The following PVR variants were observed in gnomAD, a reference collection of about 807,000 sequenced individuals.
PVR encodes poliovirus receptor.
Under a neutral mutation model 43.3 loss-of-function variants are expected in PVR, and 39 were observed. The ratio of observed to expected loss-of-function variants is 0.90; its 90% CI spans 0.70 to 1.18. The LOEUF is 1.18. Ranked by LOEUF, PVR falls within the 50% of genes most tolerant of loss-of-function variation. PVR has a pLI of 0.00. For synonymous variants in PVR, 224 were observed against 233.2 expected, an observed-to-expected ratio of 0.96 and a Z score of 0.36; for missense variants, 480 against 549.7, an observed-to-expected ratio of 0.87 and a Z score of 1.27.
chr19:44,647,083 T>TCCCCCCCCCCCCC, intron 1 of PVR, 140 bp from the exon 2 acceptor site: 17 of 30,336 alleles, frequency 5.6e-4, no homozygotes, highest in South Asian at 1.2e-3. Context: ...CAGTTCCCCC[T>TCCCCCCCCCCCCC]CCCCCCACAC....
At chr19:44,661,372 C>T in intron 7 of PVR, 49 bp downstream of exon 7, 1 of 1,590,632 alleles carries the variant, frequency 6.3e-7, no homozygotes, top group Non-Finnish European at 8.6e-7. Flanking sequence ...GCACGAACTA[C>T]AGACCAGACG....
chr19:44,646,977 C>T (rs1314368854), intron 1 of PVR, among the ~76,000 whole-genome samples: 2 of 152,160 alleles, frequency 1.3e-5, no homozygotes, highest in South Asian at 4.1e-4. Context: ...AGAAGAAATA[C>T]GGTAATAAAT....
chr19:44,662,272 C>T lies in PVR; in HGVS notation c.*461C>T. ...TTTGTGTCCAGAGTTTTTTGTTTGT[C>T]TTGAGACAGGGTCTGGCTCTGTTGG... On this transcript the variant is annotated 3_prime_UTR_variant, in exon 8 of 8. Coordinates refer to ENST00000425690, the MANE Select transcript of PVR (RefSeq NM_006505.5). 1 of 174,822 alleles carries T rather than the reference C, an allele frequency of 5.7e-6. No homozygotes were observed. The highest frequency in any genetic ancestry group is 1.4e-4 in the South Asian group (1 of 7,168). 10.8% of individuals were successfully genotyped at this position (174,822 alleles called of 1,614,324 possible).
intron 6 of PVR, among the ~76,000 whole-genome samples, chr19:44,659,996 A>G (rs1048744361): frequency 1.3e-5 from 2 of 152,178 alleles, no homozygotes; most frequent in Middle Eastern, 3.2e-3. Context: ...ACCCAGGCGG[A>G]TACTGCCTCG....
chr19:44,650,184 A>G (rs1973241426), intron 3 of PVR, 79 bp downstream of exon 3: 3 of 1,353,710 alleles, frequency 2.2e-6, no homozygotes, highest in Non-Finnish European at 2.0e-6. Flanking sequence ...TCCCCAAGGC[A>G]CTGTAGGCAT....
rs561448120 is a variant in PVR, at chr19:44,648,697, T to C, written c.428-1112T>C. 4.0e-5 allele frequency among the ~76,000 whole-genome samples: 6 copies of C among 151,616 alleles called. No homozygotes were observed. In the East Asian group the frequency reaches 1.2e-3, roughly 29 times the overall value. ...TTGTTTTCTTTTCTTTTTAAGCTTA[T>C]GTGCCAAGAACTATTCCAAGCCTGT... On this transcript the variant is annotated intron_variant, in intron 2 of 7. Coordinates refer to ENST00000425690, the MANE Select transcript of PVR (RefSeq NM_006505.5).
chr19:44,646,750 G>A (rs1289222616), intron 1 of PVR, among the ~76,000 whole-genome samples: 2 of 151,946 alleles, frequency 1.3e-5, no homozygotes, highest in South Asian at 2.1e-4. Flanking sequence ...CCCCCTGGGC[G>A]ACAGAGAGAG....
At chr19:44,648,985 CTT>C (rs1973205549) in intron 2 of PVR, among the ~76,000 whole-genome samples, 1 of 152,204 alleles carries the variant, frequency 6.6e-6, no homozygotes, top group Non-Finnish European at 1.5e-5. Flanking sequence ...GTCAGACAGA[CTT>C]TATGTGAAAG....
At chr19:44,653,420 C>G (rs192828770) in intron 3 of PVR, among the ~76,000 whole-genome samples, 3 of 152,152 alleles carry the variant, frequency 2.0e-5, no homozygotes, top group Non-Finnish European at 4.4e-5. Context: ...ACCCCTCGCC[C>G]CCGAATAAAA....
At position 44,663,926 on chromosome 19, in the gene PVR, TTTAA is replaced by T. The variant is rs965418804; in HGVS notation, c.*2119_*2122del. On this transcript the variant is annotated 3_prime_UTR_variant, in exon 8 of 8. Transcript: ENST00000425690. The stretch of plus-strand genomic sequence containing the variant: ...CCCCTCACCATGCTAAGCTAATTTT[TTTAA>T]TTAGATAGTACATAAACGTCCCAAA... 2.1e-3 allele frequency among the ~76,000 whole-genome samples: 316 copies of T among 152,230 alleles called. 5 individuals are homozygous for T. The highest frequency in any genetic ancestry group is 7.2e-3 in the African/African-American group (298 of 41,534).
At chr19:44,644,841 G>A (rs2123740833) in intron 1 of PVR, among the ~76,000 whole-genome samples, 1 of 147,636 alleles carries the variant, frequency 6.8e-6, no homozygotes, top group Middle Eastern at 3.5e-3. Flanking sequence ...TCAGCCTCCC[G>A]AGTAGCTCGG....
At chr19:44,645,443 A>ATATATAT (rs1412998383) in intron 1 of PVR, among the ~76,000 whole-genome samples, 2 of 115,618 alleles carry the variant, frequency 1.7e-5, no homozygotes, top group Non-Finnish European at 1.7e-5. Flanking sequence ...ATATATATAT[A>ATATATAT]TAGTGCGTGT....
At chr19:44,649,681 A>G (rs1973223433) in intron 2 of PVR, 128 bp from the exon 3 acceptor site, 1 of 993,182 alleles carries the variant, frequency 1.0e-6, no homozygotes, top group Non-Finnish European at 1.5e-6. Flanking sequence ...TCAGCCCCCC[A>G]AAGTTCTGGG....
At chr19:44,650,478 A>C (rs980476724) in intron 3 of PVR, among the ~76,000 whole-genome samples, 3 of 147,638 alleles carry the variant, frequency 2.0e-5, no homozygotes, top group African/African-American at 7.6e-5. Flanking sequence ...CCCTCCCCAC[A>C]TTGCTACACT....
Position 44,644,109 on chromosome 19 carries a change from A to T in PVR, c.13A>T (p.Met5Leu). Residue 5 changes from methionine (M) to leucine (L), a missense_variant, in exon 1 of 8, where the codon ATG (methionine) becomes TTG (leucine). Coordinates refer to ENST00000425690, the MANE Select transcript of PVR (RefSeq NM_006505.5). The part of the protein sequence containing the change: MARA[M>L]AAAWPLLLVA... ...CGGAGCAACTGGCATGGCCCGAGCC[A>T]TGGCCGCCGCGTGGCCGCTGCTGCT... is the stretch of plus-strand genomic sequence containing the variant. The T allele has an allele frequency of 2.0e-6, 3 of 1,518,384 alleles. No homozygotes were observed. The highest frequency in any genetic ancestry group is 2.6e-6 in the Non-Finnish European group (3 of 1,138,844). The allele number at this position is 1,518,384 out of a possible 1,614,324, so 94.1% of individuals were successfully genotyped here. A position where few individuals can be genotyped will look rare whatever the true frequency, so the allele number is the denominator to read the frequency against.
chr19:44,654,057 G>C, intron 4 of PVR, 40 bp downstream of exon 4: 2 of 1,496,792 alleles, frequency 1.3e-6, no homozygotes, highest in South Asian at 2.3e-5. Context: ...TGGGGGTCTG[G>C]ATTTCTAGCA....
chr19:44,650,023 G>A lies in PVR; in HGVS notation c.642G>A (p.Val214=), dbSNP rs1179074370. 2.5e-6 allele frequency: 4 copies of A among 1,598,580 alleles called. No homozygotes were observed. Among genetic ancestry groups the A allele is most frequent in the South Asian group, 2.3e-5 (2 of 88,844 alleles). The change falls in exon 3 of 8, where the codon GTG becomes GTA. Residue 214 remains valine (V), a synonymous_variant. Transcript: ENST00000425690. The part of the protein sequence containing the change: ...SLWILVPSSQ[V]DGKNVTCKVE... ...GGATATTGGTGCCCTCAAGCCAGGT[G>A]GACGGCAAGAATGTGACCTGCAAGG...
At chr19:44,644,306 C>G (rs112989771) in intron 1 of PVR, 131 bp downstream of exon 1, 1 of 660,442 alleles carries the variant, frequency 1.5e-6, no homozygotes, top group Non-Finnish European at 2.4e-6. Context: ...ATCTCTGCCC[C>G]GGGGTTGGAA....
At position 44,644,468 on chromosome 19, in the gene PVR, G is replaced by A. The variant is rs139223077; in HGVS notation, c.79+293G>A. ...CCCCTCGGAAAGGGGATGGAGTTGG[G>A]TGAGGAAATTTCCCAAAAAGGCAAG... On this transcript the variant is annotated intron_variant, in intron 1 of 7. Transcript: ENST00000425690. Among the ~76,000 whole-genome samples, 75 of 152,264 alleles carry A rather than the reference G, an allele frequency of 4.9e-4. No individual in the cohort carries two copies. The East Asian group carries it at 0.013, about 26-fold the overall frequency.
Sources: allele counts gnomAD v4.1 joint callset (sites outside exome capture counted in the v4.1 genomes callset), GRCh38; gene constraint gnomAD v4.1.1; transcripts MANE v1.5; gene names NCBI Gene and HGNC (gene_info 2026-07-23, HGNC 2026-07-21).